Variants in ST8SIA2 observed in about 807,000 individuals in gnomAD.
The protein encoded by ST8SIA2 is alpha-2,8-sialyltransferase 8B.
Under a neutral mutation model 37.6 loss-of-function variants are expected in ST8SIA2, and 22 were observed. The ratio of observed to expected loss-of-function variants is 0.58; its 90% CI spans 0.42 to 0.83. The LOEUF is 0.83. Ranked by LOEUF, ST8SIA2 falls within the 40% of genes least tolerant of loss-of-function variation. The probability of loss-of-function intolerance (pLI) is 0.00; values close to 1 mark genes in which losing one functional copy is unlikely to be tolerated. For missense variants in ST8SIA2, 382 were observed against 484.7 expected, an observed-to-expected ratio of 0.79 and a Z score of 1.99; for synonymous variants, 205 against 201.2, an observed-to-expected ratio of 1.02 and a Z score of -0.16.
At chr15:92,395,056 G>A (rs1318165671) in intron 1 of ST8SIA2, among the ~76,000 whole-genome samples, 1 of 152,156 alleles carries the variant, frequency 6.6e-6, no homozygotes, top group African/African-American at 2.4e-5. Flanking sequence ...TGTCCCAGGG[G>A]CTGAGACTCG....
At chr15:92,424,924 C>A (rs1249127943) in intron 1 of ST8SIA2, among the ~76,000 whole-genome samples, 2 of 152,202 alleles carry the variant, frequency 1.3e-5, no homozygotes, top group Admixed American at 1.3e-4. Context: ...TCAACCTCTA[C>A]CCTTACAATG....
intron 5 of ST8SIA2, among the ~76,000 whole-genome samples, chr15:92,446,986 C>T (rs1455982667): frequency 6.6e-6 from 1 of 151,978 alleles, no homozygotes; most frequent in Admixed American, 6.6e-5. Context: ...GTTTGAGGGG[C>T]AGTGAAGGAG....
At chr15:92,452,351 T>C (rs1412493325) in intron 5 of ST8SIA2, among the ~76,000 whole-genome samples, 1 of 152,206 alleles carries the variant, frequency 6.6e-6, no homozygotes, top group Non-Finnish European at 1.5e-5. Context: ...CAGCGTTATG[T>C]TTGAGAACCA....
intron 2 of ST8SIA2, among the ~76,000 whole-genome samples, chr15:92,433,581 C>T (rs1206164112): frequency 6.6e-6 from 1 of 152,178 alleles, no homozygotes; most frequent in African/African-American, 2.4e-5. Context: ...ACTCCAGGCT[C>T]CCCCGGGATC....
At chr15:92,415,982 A>G (rs886381941) in intron 1 of ST8SIA2, among the ~76,000 whole-genome samples, 1 of 152,132 alleles carries the variant, frequency 6.6e-6, no homozygotes, top group Non-Finnish European at 1.5e-5. Context: ...ATGCTAAGGG[A>G]TCTGAACCTC....
At chr15:92,396,640 CCTG>C (rs902537901) in intron 1 of ST8SIA2, among the ~76,000 whole-genome samples, 6 of 149,548 alleles carry the variant, frequency 4.0e-5, no homozygotes, top group Non-Finnish European at 8.8e-5. Flanking sequence ...ATTACAGGCA[CCTG>C]CCACCACACC....
chr15:92,463,983 G>C, intron 5 of ST8SIA2, 117 bp from the exon 6 acceptor site: 1 of 1,393,890 alleles, frequency 7.2e-7, no homozygotes, highest in Non-Finnish European at 9.6e-7. Context: ...TAGCTTGATC[G>C]GTCCCTGGAG....
At chr15:92,397,024 C>T (rs2049437103) in intron 1 of ST8SIA2, among the ~76,000 whole-genome samples, 1 of 152,200 alleles carries the variant, frequency 6.6e-6, no homozygotes, top group Non-Finnish European at 1.5e-5. Context: ...GGGAGGATTA[C>T]AGATGATCTG....
intron 1 of ST8SIA2, among the ~76,000 whole-genome samples, chr15:92,400,479 C>A (rs2049462076): frequency 6.6e-6 from 1 of 152,196 alleles, no homozygotes; most frequent in South Asian, 2.1e-4. Context: ...ATCTGGAAGC[C>A]CCCTGCTTTT....
Position 92,444,929 on chromosome 15 carries a change from G to A in ST8SIA2, c.842G>A (p.Gly281Glu). 1 of 1,609,926 alleles carries A rather than the reference G, an allele frequency of 6.2e-7. No homozygotes were observed. The highest frequency in any genetic ancestry group is 8.5e-7 in the Non-Finnish European group (1 of 1,180,022). Reference sequence around the variant, plus strand: ...CTGCGCCTGCTGCACGCCGTTCGCGGGTGAGCGGCCTCCCTACAGGCCAGT... The same window carrying A: ...CTGCGCCTGCTGCACGCCGTTCGCGAGTGAGCGGCCTCCCTACAGGCCAGT... ...PSLRLLHAVRGYWLTNKVHIK... is the reference protein window; with the variant it reads ...PSLRLLHAVREYWLTNKVHIK... The change falls in exon 5 of 6, where the codon GGA (glycine) becomes GAA (glutamate). Residue 281 changes from glycine (G) to glutamate (E), a missense_variant and splice_region_variant. By Grantham distance (98) the Gly-to-Glu change is moderately conservative. Coordinates refer to ENST00000268164, the MANE Select transcript of ST8SIA2 (RefSeq NM_006011.4).
intron 1 of ST8SIA2, among the ~76,000 whole-genome samples, chr15:92,415,685 C>T (rs994716355): frequency 4.6e-5 from 7 of 151,922 alleles, no homozygotes; most frequent in African/African-American, 1.5e-4. Flanking sequence ...TATTTTATAA[C>T]GACTAGTCTC....
At position 92,429,292 on chromosome 15, in the gene ST8SIA2, A is replaced by G. The variant is rs145238011; in HGVS notation, c.99-757A>G. Reference sequence around the variant, plus strand: ...AAAAAGTCGGGGGTACTCGAGGCACATGTATTTATCCATCCACCAACCTAA... The same window carrying G: ...AAAAAGTCGGGGGTACTCGAGGCACGTGTATTTATCCATCCACCAACCTAA... On this transcript the variant is annotated intron_variant, in intron 1 of 5. Transcript: ENST00000268164. Among the ~76,000 whole-genome samples, 78 of 152,318 alleles carry G rather than the reference A, an allele frequency of 5.1e-4. 1 individual carries two copies. In the East Asian group the frequency reaches 0.012, roughly 23 times the overall value.
At chr15:92,433,356 T>G (rs1357534779) in intron 2 of ST8SIA2, among the ~76,000 whole-genome samples, 1 of 152,206 alleles carries the variant, frequency 6.6e-6, no homozygotes, top group African/African-American at 2.4e-5. Context: ...CCCACATATA[T>G]CTGTGTGCAT....
At chr15:92,415,895 A>G (rs1185906452) in intron 1 of ST8SIA2, among the ~76,000 whole-genome samples, 4 of 152,102 alleles carry the variant, frequency 2.6e-5, no homozygotes, top group Non-Finnish European at 1.5e-5. Context: ...CATTCCAGAA[A>G]CTGCCCCTTG....
intron 5 of ST8SIA2, among the ~76,000 whole-genome samples, chr15:92,462,230 T>TG (rs567418640): frequency 3.3e-5 from 5 of 152,094 alleles, no homozygotes; most frequent in Non-Finnish European, 7.4e-5. Flanking sequence ...ATAGTCGGGA[T>TG]GGGGGGTGTG....
chr15:92,444,260 G>A (rs1437424911), intron 4 of ST8SIA2, among the ~76,000 whole-genome samples: 2 of 152,150 alleles, frequency 1.3e-5, no homozygotes, highest in Non-Finnish European at 2.9e-5. Flanking sequence ...TAGAGCCTGG[G>A]AGTCTGCCTT....
chr15:92,401,885 G>A (rs1311304538), intron 1 of ST8SIA2, among the ~76,000 whole-genome samples: 3 of 150,202 alleles, frequency 2.0e-5, no homozygotes, highest in South Asian at 2.1e-4. Context: ...GTGAGCCACA[G>A]AGGAGTGGTG....
intron 1 of ST8SIA2, among the ~76,000 whole-genome samples, chr15:92,408,677 T>TTTTTTTTA (rs1555451199): frequency 1.7e-4 from 21 of 123,140 alleles, no homozygotes; most frequent in African/African-American, 2.4e-4. Context: ...GTTCCATTTT[T>TTTTTTTTA]TTTATTTATT....
intron 4 of ST8SIA2, among the ~76,000 whole-genome samples, chr15:92,439,212 C>G (rs1424303887): frequency 1.1e-5 from 1 of 90,218 alleles, no homozygotes; most frequent in Non-Finnish European, 2.0e-5. Context: ...GTTTGCAAAA[C>G]TCTTTGTAAG....
Sources: allele counts gnomAD v4.1 joint callset (sites outside exome capture counted in the v4.1 genomes callset), GRCh38; gene constraint gnomAD v4.1.1; transcripts MANE v1.5; gene names NCBI Gene and HGNC (gene_info 2026-07-23, HGNC 2026-07-21).